The following THADA variants were observed in gnomAD, a reference collection of about 807,000 sequenced individuals.
THADA encodes tRNA (32-2'-O)-methyltransferase regulator THADA.
Under a neutral mutation model 219.8 loss-of-function variants are expected in THADA, and 213 were observed. That is an observed-to-expected ratio of 0.97 (90% CI 0.87 to 1.09). The LOEUF (loss-of-function observed/expected upper bound fraction) is 1.09, where lower values mean the gene tolerates loss of function less well. Ranked by LOEUF, THADA falls within the 50% of genes least tolerant of loss-of-function variation. THADA has a pLI of 0.00. For synonymous variants in THADA, 1,018 were observed against 828.9 expected (o/e 1.23, Z -3.92); for missense variants, 2,956 against 2,311.3 (o/e 1.28, Z -5.72).
intron 31 of THADA, among the ~76,000 whole-genome samples, chr2:43,297,471 G>A (rs1369345341): frequency 1.0e-5 from 1 of 98,860 alleles, no homozygotes; most frequent in Non-Finnish European, 1.9e-5. Flanking sequence ...CCCCCCGCCC[G>A]GCCAGCCGCC....
intron 25 of THADA, 53 bp downstream of exon 25, chr2:43,498,780 A>C: frequency 6.4e-7 from 1 of 1,567,558 alleles, no homozygotes; most frequent in Non-Finnish European, 8.6e-7. Flanking sequence ...GTTTATTAAA[A>C]CCTACTCAGA....
At chr2:43,390,890 C>A (rs1371005909) in intron 29 of THADA, among the ~76,000 whole-genome samples, 2 of 152,246 alleles carry the variant, frequency 1.3e-5, no homozygotes, top group African/African-American at 4.8e-5. Context: ...CCCGAAGGCC[C>A]CAGATAGAAT....
chr2:43,472,483 C>G (rs17030879), intron 26 of THADA, among the ~76,000 whole-genome samples: 2,600 of 152,200 alleles, frequency 0.017, 187 homozygotes, highest in East Asian at 0.17. Context: ...CTTTTATTTC[C>G]TTGAAGTGTT....
intron 21 of THADA, among the ~76,000 whole-genome samples, chr2:43,532,269 C>T (rs140078588): frequency 2.6e-5 from 4 of 151,716 alleles, no homozygotes; most frequent in African/African-American, 7.2e-5. Context: ...AAATACTAGC[C>T]GGGAGTGGCA....
chr2:43,512,646 G>A (rs1690641860), intron 22 of THADA, among the ~76,000 whole-genome samples: 1 of 152,196 alleles, frequency 6.6e-6, no homozygotes, highest in Non-Finnish European at 1.5e-5. Context: ...GGGATTACAG[G>A]CATGGGCCAC....
chr2:43,586,490 T>C (rs1701040099), intron 6 of THADA, 41 bp from the exon 7 acceptor site: 1 of 1,475,682 alleles, frequency 6.8e-7, no homozygotes, highest in Non-Finnish European at 9.1e-7. Context: ...TTTAAAACTG[T>C]GAAGCTCAAT....
At position 43,590,870 on chromosome 2, in the gene THADA, A is replaced by G. The variant is rs543742869; in HGVS notation, c.256T>C (p.Tyr86His). Residue 86 changes from tyrosine (Y) to histidine (H), a missense_variant, in exon 4 of 38, where the codon TAT (tyrosine) becomes CAT (histidine). By Grantham distance (83) the Tyr-to-His change is moderately conservative. Transcript: ENST00000405975. ...GGATTCTTTAGACTCAAAGAAAGAT[A>G]AATGCCTGCTAAGATATCCAAACAA... ...QSCLDILAGIYLSLSLKNPLK... is the reference protein window; with the variant it reads ...QSCLDILAGIHLSLSLKNPLK... 1 of 1,613,910 alleles carries G rather than the reference A, an allele frequency of 6.2e-7. No individual in the cohort carries two copies. Among genetic ancestry groups the G allele is most frequent in the Non-Finnish European group, 8.5e-7 (1 of 1,179,836 alleles).
chr2:43,537,835 T>G (rs550008700), intron 21 of THADA, among the ~76,000 whole-genome samples: 1 of 150,630 alleles, frequency 6.6e-6, no homozygotes, highest in Non-Finnish European at 1.5e-5. Context: ...CACACACCTA[T>G]AGTCCCAAAT....
chr2:43,262,117 T>C (rs993851030), intron 36 of THADA, among the ~76,000 whole-genome samples: 2 of 152,368 alleles, frequency 1.3e-5, no homozygotes, highest in South Asian at 4.1e-4. Context: ...TAGAGCTGGA[T>C]GTGTTTCCTT....
chr2:43,320,066 C>T (rs1678516921), intron 31 of THADA, among the ~76,000 whole-genome samples: 1 of 152,064 alleles, frequency 6.6e-6, no homozygotes, highest in African/African-American at 2.4e-5. Context: ...CTCAAATACC[C>T]AGCATCAAAT....
chr2:43,479,178 T>C (rs956638236), intron 26 of THADA, among the ~76,000 whole-genome samples: 3 of 152,244 alleles, frequency 2.0e-5, no homozygotes, highest in Non-Finnish European at 4.4e-5. Flanking sequence ...ATTAACTTCA[T>C]ACTTTAAATC....
At chr2:43,438,098 G>C (rs990820344) in intron 26 of THADA, among the ~76,000 whole-genome samples, 2 of 151,912 alleles carry the variant, frequency 1.3e-5, no homozygotes, top group African/African-American at 4.8e-5. Context: ...TCAGGAGATC[G>C]AGACCATGCT....
At chr2:43,591,346 T>C (rs1289096933) in intron 3 of THADA, among the ~76,000 whole-genome samples, 1 of 152,024 alleles carries the variant, frequency 6.6e-6, no homozygotes, top group Non-Finnish European at 1.5e-5. Context: ...TAAAACAAAG[T>C]GTCAATTACG....
At chr2:43,363,166 T>C (rs988922187) in intron 29 of THADA, among the ~76,000 whole-genome samples, 2 of 152,218 alleles carry the variant, frequency 1.3e-5, no homozygotes, top group Non-Finnish European at 2.9e-5. Flanking sequence ...GCATAGTAAA[T>C]ACATAAACCA....
chr2:43,506,382 A>G (rs1276882459), intron 23 of THADA, among the ~76,000 whole-genome samples: 1 of 152,246 alleles, frequency 6.6e-6, no homozygotes, highest in Non-Finnish European at 1.5e-5. Context: ...GTATTAAGCC[A>G]CTTGAGGCAA....
chr2:43,284,757 G>C (rs1410757379), intron 35 of THADA, among the ~76,000 whole-genome samples: 1 of 152,184 alleles, frequency 6.6e-6, no homozygotes, highest in Non-Finnish European at 1.5e-5. Context: ...GCCTGGAAAA[G>C]CCGCAGGCAC....
intron 29 of THADA, among the ~76,000 whole-genome samples, chr2:43,373,442 GA>G (rs1671026818): frequency 6.6e-6 from 1 of 151,616 alleles, no homozygotes; most frequent in Non-Finnish European, 1.5e-5. Context: ...TTCTCTTAAG[GA>G]AAAAAATTAA....
chr2:43,447,350 C>G (rs1447256189), intron 26 of THADA, among the ~76,000 whole-genome samples: 3 of 152,138 alleles, frequency 2.0e-5, no homozygotes, highest in Admixed American at 6.6e-5. Context: ...TGGTCATACT[C>G]TTTTCTTCTG....
chr2:43,592,199 C>A, intron 2 of THADA, 118 bp downstream of exon 2: 1 of 1,003,718 alleles, frequency 1.0e-6, no homozygotes, highest in Non-Finnish European at 1.4e-6. Flanking sequence ...GTTTTACATC[C>A]AAAACATAAG....
Sources: allele counts gnomAD v4.1 joint callset (sites outside exome capture counted in the v4.1 genomes callset), GRCh38; gene constraint gnomAD v4.1.1; transcripts MANE v1.5; gene names NCBI Gene and HGNC (gene_info 2026-07-23, HGNC 2026-07-21).